Variants in NKAIN2 observed in about 807,000 individuals in gnomAD.
NKAIN2 encodes the protein sodium/potassium transporting ATPase interacting 2.
NKAIN2 carries 14 observed loss-of-function variants against 32.6 expected under a neutral mutation model. The observed-to-expected ratio is 0.43, with a 90% CI of 0.28 to 0.67. The LOEUF is 0.67. Among genes scored for constraint, NKAIN2 ranks in the 30% least tolerant of loss-of-function variants. The probability of loss-of-function intolerance (pLI) is 0.17; values close to 1 mark genes in which losing one functional copy is unlikely to be tolerated. For synonymous variants in NKAIN2, 80 were observed against 87.2 expected (o/e 0.92, Z 0.46); for missense variants, 198 against 258.3 (o/e 0.77, Z 1.60).
intron 4 of NKAIN2, among the ~76,000 whole-genome samples, chr6:124,687,985 C>T (rs1583649689): frequency 1.3e-5 from 2 of 151,760 alleles, no homozygotes; most frequent in East Asian, 1.9e-4. Flanking sequence ...TTCCAGCAAC[C>T]AGCTATTATG....
intron 1 of NKAIN2, among the ~76,000 whole-genome samples, chr6:124,035,278 C>A (rs557997417): frequency 6.6e-6 from 1 of 152,204 alleles, no homozygotes; most frequent in South Asian, 2.1e-4. Context: ...GCTCTAACAT[C>A]ATTGCCCATA....
At chr6:124,726,065 G>T (rs563853143) in intron 4 of NKAIN2, among the ~76,000 whole-genome samples, 1 of 152,298 alleles carries the variant, frequency 6.6e-6, no homozygotes, top group East Asian at 1.9e-4. Flanking sequence ...CTACGCCCAC[G>T]GAGTCTCGCT....
chr6:123,818,782 G>T (rs767875677), intron 1 of NKAIN2, among the ~76,000 whole-genome samples: 3 of 152,084 alleles, frequency 2.0e-5, no homozygotes, highest in African/African-American at 4.8e-5. Context: ...CTTCATTTTT[G>T]TGTAGAGGAA....
At chr6:124,528,900 A>G (rs1779417347) in intron 3 of NKAIN2, among the ~76,000 whole-genome samples, 1 of 152,200 alleles carries the variant, frequency 6.6e-6, no homozygotes, top group Non-Finnish European at 1.5e-5. Context: ...GAATTTTACA[A>G]CTAGAAGGGA....
At chr6:123,809,595 C>T (rs905392204) in intron 1 of NKAIN2, among the ~76,000 whole-genome samples, 7 of 151,972 alleles carry the variant, frequency 4.6e-5, no homozygotes, top group South Asian at 2.1e-4. Flanking sequence ...TGCACATGTG[C>T]GCACGTAATA....
At chr6:123,811,288 A>G (rs186639477) in intron 1 of NKAIN2, among the ~76,000 whole-genome samples, 7 of 152,148 alleles carry the variant, frequency 4.6e-5, no homozygotes, top group Non-Finnish European at 7.4e-5. Context: ...TTTGTAATGT[A>G]TTGAAATATA....
At chr6:124,341,010 T>C (rs1340304234) in intron 2 of NKAIN2, among the ~76,000 whole-genome samples, 1 of 152,178 alleles carries the variant, frequency 6.6e-6, no homozygotes, top group Non-Finnish European at 1.5e-5. Flanking sequence ...ATTTGGAGCT[T>C]CATAAAACTT....
chr6:124,299,058 C>T (rs573133684), intron 2 of NKAIN2, among the ~76,000 whole-genome samples: 41 of 152,294 alleles, frequency 2.7e-4, no homozygotes, highest in Admixed American at 2.1e-3. Flanking sequence ...ATTCACTGCC[C>T]TGGCAGGCAG....
intron 1 of NKAIN2, among the ~76,000 whole-genome samples, chr6:123,892,420 A>T (rs1562242654): frequency 6.6e-6 from 1 of 152,066 alleles, no homozygotes; most frequent in Non-Finnish European, 1.5e-5. Context: ...GGGCGGCAGG[A>T]GAGAGAATGA....
At chr6:124,423,254 A>G (rs1415213266) in intron 3 of NKAIN2, among the ~76,000 whole-genome samples, 1 of 152,228 alleles carries the variant, frequency 6.6e-6, no homozygotes, top group African/African-American at 2.4e-5. Context: ...AAAGAAGAAT[A>G]TACAAGCATT....
chr6:124,121,231 G>A (rs1562369868), intron 1 of NKAIN2, among the ~76,000 whole-genome samples: 1 of 151,954 alleles, frequency 6.6e-6, no homozygotes. Flanking sequence ...TTATTAAGGG[G>A]AAAAAATATG....
chr6:124,326,807 T>C (rs542324835), intron 2 of NKAIN2, among the ~76,000 whole-genome samples: 1 of 152,284 alleles, frequency 6.6e-6, no homozygotes, highest in South Asian at 2.1e-4. Flanking sequence ...AATATTTTTG[T>C]TTCTTAACTT....
intron 1 of NKAIN2, among the ~76,000 whole-genome samples, chr6:124,273,450 T>C (rs1562464070): frequency 6.6e-6 from 1 of 152,178 alleles, no homozygotes; most frequent in Non-Finnish European, 1.5e-5. Flanking sequence ...CATGCAGAAT[T>C]GTGAGTTAAT....
intron 1 of NKAIN2, among the ~76,000 whole-genome samples, chr6:124,182,473 A>G (rs1359223388): frequency 6.6e-6 from 1 of 152,200 alleles, no homozygotes; most frequent in East Asian, 1.9e-4. Flanking sequence ...GTATTCTTTG[A>G]AATTATTAGT....
At chr6:124,299,492 C>A (rs1796208900) in intron 2 of NKAIN2, among the ~76,000 whole-genome samples, 1 of 151,912 alleles carries the variant, frequency 6.6e-6, no homozygotes, top group Non-Finnish European at 1.5e-5. Context: ...GTGGTATTAC[C>A]AAATGTAGCC....
At chr6:123,926,415 T>A (rs1325593001) in intron 1 of NKAIN2, among the ~76,000 whole-genome samples, 1 of 152,106 alleles carries the variant, frequency 6.6e-6, no homozygotes, top group Non-Finnish European at 1.5e-5. Context: ...GTGGCAGTGT[T>A]CCCCAGATTC....
At chr6:123,895,880 C>T (rs1774256166) in intron 1 of NKAIN2, among the ~76,000 whole-genome samples, 1 of 147,800 alleles carries the variant, frequency 6.8e-6, no homozygotes, top group Admixed American at 7.0e-5. Flanking sequence ...CGTTCGTCTC[C>T]CTTATATGAT....
intron 1 of NKAIN2, among the ~76,000 whole-genome samples, chr6:123,928,258 A>T (rs1776097965): frequency 6.6e-6 from 1 of 152,112 alleles, no homozygotes; most frequent in African/African-American, 2.4e-5. Flanking sequence ...TAGAGGAAAC[A>T]ATGTGAGGTG....
chr6:123,940,302 T>TTG lies in NKAIN2; in HGVS notation c.54+136069_54+136070dup, dbSNP rs75849088. Among the ~76,000 whole-genome samples, 923 of 149,644 alleles carry TTG rather than the reference T, an allele frequency of 6.2e-3. 8 individuals carry two copies. The highest frequency in any genetic ancestry group is 0.025 in the East Asian group (126 of 5,072). On this transcript the variant is annotated intron_variant, in intron 1 of 6. Coordinates refer to ENST00000368417, the MANE Select transcript of NKAIN2 (RefSeq NM_001040214.3). ...CATGTATTTTATGTGTGTGTTTGGT[T>TTG]TGTGTGTGTGTGTGTGTGTGTGCCT...
Sources: gnomAD v4.1 joint callset for allele counts (sites outside exome capture counted in the v4.1 genomes callset) on GRCh38, gnomAD v4.1.1 for gene constraint, MANE v1.5 for transcripts, NCBI Gene and HGNC (gene_info 2026-07-23, HGNC 2026-07-21) for gene names.